ZNF469: variants seen among roughly 807,000 people sequenced by gnomAD.
ZNF469 encodes zinc finger protein 469.
In ZNF469, 1 loss-of-function variant was observed where a neutral mutation model predicts 1.0. The ratio of observed to expected loss-of-function variants is 1.00; its 90% CI spans 0.35 to 4.73. The LOEUF (loss-of-function observed/expected upper bound fraction) is 4.73. Ranked by LOEUF, ZNF469 falls within the 30% of genes most tolerant of loss-of-function variation. The pLI, the probability that ZNF469 is intolerant of heterozygous loss-of-function variation, is 0.16. For synonymous variants in ZNF469, 2,703 were observed against 2,363.4 expected, an observed-to-expected ratio of 1.14 and a Z score of -4.17; for missense variants, 6,100 against 5,356.3, an observed-to-expected ratio of 1.14 and a Z score of -4.33.
upstream of ZNF469, among the ~76,000 whole-genome samples, chr16:88,378,067 C>T (rs992913660): frequency 6.6e-6 from 1 of 152,122 alleles, no homozygotes; most frequent in Non-Finnish European, 1.5e-5. Context: ...TCCAACTGTC[C>T]TAGACGCCCC....
At chr16:88,227,186 T>C in the ZNF469 span, among the ~76,000 whole-genome samples, 1 of 152,172 alleles carries the variant, frequency 6.6e-6, no homozygotes, top group Non-Finnish European at 1.5e-5. Context: ...TTGCTGCCTC[T>C]GTGTTTGAAA....
chr16:88,314,286 A>G, the ZNF469 span, among the ~76,000 whole-genome samples: 1 of 144,750 alleles, frequency 6.9e-6, no homozygotes, highest in Non-Finnish European at 1.5e-5. Flanking sequence ...GTGGACTATC[A>G]TCTCTGTAAT....
At chr16:88,370,240 C>T in the ZNF469 span, among the ~76,000 whole-genome samples, 6 of 152,194 alleles carry the variant, frequency 3.9e-5, no homozygotes, top group South Asian at 2.1e-4. Context: ...TAAGAACAAG[C>T]CTTTTCAGCA....
the ZNF469 span, among the ~76,000 whole-genome samples, chr16:88,164,184 G>A: frequency 9.9e-5 from 15 of 151,196 alleles, no homozygotes; most frequent in African/African-American, 3.4e-4. Context: ...ATGGATGGAC[G>A]AGTGGGTGGA....
chr16:88,343,553 A>C, the ZNF469 span, among the ~76,000 whole-genome samples: 8 of 152,150 alleles, frequency 5.3e-5, no homozygotes, highest in South Asian at 2.1e-4. Flanking sequence ...TTTATTTCCC[A>C]GGGTTCTGGA....
the ZNF469 span, among the ~76,000 whole-genome samples, chr16:88,140,557 G>T: frequency 1.3e-5 from 2 of 151,574 alleles, no homozygotes; most frequent in African/African-American, 2.4e-5. Flanking sequence ...AAAGCCGGGG[G>T]CCTTGCCCTT....
chr16:88,159,716 T>C, the ZNF469 span, among the ~76,000 whole-genome samples: 1 of 152,206 alleles, frequency 6.6e-6, no homozygotes, highest in African/African-American at 2.4e-5. Flanking sequence ...AATTATTTGC[T>C]GCATTCTCGG....
chr16:88,113,369 G>C, the ZNF469 span, among the ~76,000 whole-genome samples: 1 of 152,276 alleles, frequency 6.6e-6, no homozygotes, highest in Non-Finnish European at 1.5e-5. Flanking sequence ...CTTTCCCCAG[G>C]GTATGTTCTT....
intron 1 of ZNF469, among the ~76,000 whole-genome samples, chr16:88,408,731 C>T (rs1905074670): frequency 6.6e-6 from 1 of 150,988 alleles, no homozygotes. Context: ...AGCCCTGACC[C>T]TCCCGCCTGG....
At chr16:88,267,776 G>A in the ZNF469 span, among the ~76,000 whole-genome samples, 1 of 151,430 alleles carries the variant, frequency 6.6e-6, no homozygotes, top group African/African-American at 2.5e-5. Context: ...CAGGGACACC[G>A]TGGCTGTTTG....
the ZNF469 span, among the ~76,000 whole-genome samples, chr16:88,268,663 G>A: frequency 2.0e-5 from 3 of 152,214 alleles, no homozygotes; most frequent in Admixed American, 6.5e-5. Context: ...TGTGGCTGTC[G>A]ACACTGACCT....
chr16:88,210,961 G>A, the ZNF469 span, among the ~76,000 whole-genome samples: 3 of 152,332 alleles, frequency 2.0e-5, no homozygotes, highest in African/African-American at 4.8e-5. Flanking sequence ...GGTATTGGGC[G>A]GGGTTGCCTT....
the ZNF469 span, among the ~76,000 whole-genome samples, chr16:88,117,904 C>T: frequency 1.3e-5 from 2 of 152,220 alleles, no homozygotes; most frequent in African/African-American, 4.8e-5. Context: ...GTCAGCAGAG[C>T]AGGAGGAGGA....
At chr16:88,233,600 G>A in the ZNF469 span, among the ~76,000 whole-genome samples, 1 of 152,236 alleles carries the variant, frequency 6.6e-6, no homozygotes, top group Non-Finnish European at 1.5e-5. Flanking sequence ...TTTGGTGAGG[G>A]AGTTTGATTA....
intron 1 of ZNF469, among the ~76,000 whole-genome samples, chr16:88,405,641 C>A (rs1905007849): frequency 6.6e-6 from 1 of 152,210 alleles, no homozygotes. Context: ...CCCATGAGAG[C>A]AGAGCAGAGG....
the ZNF469 span, among the ~76,000 whole-genome samples, chr16:88,315,764 G>A: frequency 3.9e-5 from 6 of 152,316 alleles, no homozygotes; most frequent in South Asian, 1.2e-3. Flanking sequence ...CCTGGCCTGG[G>A]TTGGTTTCCA....
chr16:88,364,563 G>A, the ZNF469 span, among the ~76,000 whole-genome samples: 1 of 148,858 alleles, frequency 6.7e-6, no homozygotes, highest in Non-Finnish European at 1.5e-5. Context: ...AGATCAATCT[G>A]AGAAGAATCA....
At chr16:88,251,132 C>G in the ZNF469 span, among the ~76,000 whole-genome samples, 3 of 152,210 alleles carry the variant, frequency 2.0e-5, no homozygotes, top group South Asian at 4.1e-4. Flanking sequence ...CCCGCCTCAG[C>G]CTCCCAAAGT....
At chr16:88,123,410 G>A in the ZNF469 span, among the ~76,000 whole-genome samples, 1 of 152,196 alleles carries the variant, frequency 6.6e-6, no homozygotes, top group African/African-American at 2.4e-5. Context: ...ACCTGTCGAT[G>A]AAGATTTGGG....
Sources: allele counts gnomAD v4.1 joint callset (sites outside exome capture counted in the v4.1 genomes callset), GRCh38; gene constraint gnomAD v4.1.1; transcripts MANE v1.5; gene names NCBI Gene and HGNC (gene_info 2026-07-23, HGNC 2026-07-21).